CADPS: variants seen among roughly 807,000 people sequenced by gnomAD.
The protein encoded by CADPS is calcium dependent secretion activator.
A neutral mutation model predicts 167.3 loss-of-function variants in CADPS; 57 were observed. The ratio of observed to expected loss-of-function variants is 0.34; its 90% CI spans 0.28 to 0.42. CADPS has a LOEUF of 0.42. Among genes scored for constraint, CADPS ranks in the 20% least tolerant of loss-of-function variants. The pLI is 1.00. For missense variants in CADPS, 1,414 were observed against 1,738.1 expected (o/e 0.81, Z 3.32); for synonymous variants, 676 against 635.3 (o/e 1.06, Z -0.96).
At chr3:62,511,849 A>G (rs1211268247) in intron 17 of CADPS, among the ~76,000 whole-genome samples, 4 of 152,120 alleles carry the variant, frequency 2.6e-5, no homozygotes, top group Non-Finnish European at 5.9e-5. Context: ...GGCTTTTAAC[A>G]CTGTACCTGC....
At chr3:62,737,741 A>G (rs2079300140) in intron 3 of CADPS, among the ~76,000 whole-genome samples, 1 of 152,126 alleles carries the variant, frequency 6.6e-6, no homozygotes, top group Non-Finnish European at 1.5e-5. Flanking sequence ...CCTTTGAACC[A>G]AGCTTATTGC....
intron 3 of CADPS, among the ~76,000 whole-genome samples, chr3:62,702,252 A>G (rs1462663448): frequency 6.6e-6 from 1 of 152,176 alleles, no homozygotes; most frequent in African/African-American, 2.4e-5. Flanking sequence ...CTTTTGCTTT[A>G]CAGATTCATT....
intron 26 of CADPS, among the ~76,000 whole-genome samples, chr3:62,457,360 A>C (rs535084392): frequency 5.3e-5 from 8 of 152,342 alleles, no homozygotes; most frequent in African/African-American, 1.9e-4. Flanking sequence ...GTGCACACTG[A>C]AATAAACCTG....
intron 2 of CADPS, among the ~76,000 whole-genome samples, chr3:62,762,812 C>T (rs531453551): frequency 2.6e-5 from 4 of 152,200 alleles, no homozygotes; most frequent in African/African-American, 9.6e-5. Context: ...TGAATATATG[C>T]ATTAGCAAAA....
intron 4 of CADPS, among the ~76,000 whole-genome samples, chr3:62,656,258 A>G (rs2150336221): frequency 6.6e-6 from 1 of 152,276 alleles, no homozygotes; most frequent in Non-Finnish European, 1.5e-5. Context: ...GATGGTGCCT[A>G]TAGTAAAGAT....
intron 29 of CADPS, among the ~76,000 whole-genome samples, chr3:62,402,303 C>T (rs1467878655): frequency 1.3e-5 from 2 of 149,002 alleles, no homozygotes; most frequent in Admixed American, 6.9e-5. Flanking sequence ...AAGAAATAGA[C>T]ATTCAGCTAC....
chr3:62,491,803 C>T (rs1192470839), intron 20 of CADPS, among the ~76,000 whole-genome samples: 1 of 149,078 alleles, frequency 6.7e-6, no homozygotes, highest in Non-Finnish European at 1.5e-5. Context: ...CACCCACTTC[C>T]CTTCTTCCCA....
At chr3:62,803,971 G>A (rs1244017277) in intron 1 of CADPS, among the ~76,000 whole-genome samples, 1 of 151,940 alleles carries the variant, frequency 6.6e-6, no homozygotes, top group Non-Finnish European at 1.5e-5. Flanking sequence ...TCTTTTGGAA[G>A]GCCTTCTAAT....
intron 1 of CADPS, among the ~76,000 whole-genome samples, chr3:62,803,540 C>T (rs1015454474): frequency 2.0e-5 from 3 of 151,976 alleles, no homozygotes; most frequent in Non-Finnish European, 1.5e-5. Context: ...CCTTGCCCCA[C>T]GTGTCAACAG....
intron 1 of CADPS, among the ~76,000 whole-genome samples, chr3:62,776,054 ATATAATGTCTTGGCAT>A (rs2090205399): frequency 6.6e-6 from 1 of 152,228 alleles, no homozygotes; most frequent in South Asian, 2.1e-4. Flanking sequence ...AGAAAAAAGC[ATATAATGTCTTGGCAT>A]TACTAGGAAA....
At chr3:62,717,060 A>C (rs1017650821) in intron 3 of CADPS, among the ~76,000 whole-genome samples, 30 of 152,308 alleles carry the variant, frequency 2.0e-4, no homozygotes, top group Non-Finnish European at 2.8e-4. Flanking sequence ...CAGAAAATCT[A>C]CATACTGGAA....
chr3:62,495,644 C>G (rs1485598873), intron 18 of CADPS, among the ~76,000 whole-genome samples: 1 of 152,220 alleles, frequency 6.6e-6, no homozygotes, highest in African/African-American at 2.4e-5. Context: ...ATTTTGCACA[C>G]AAACTAACAT....
At chr3:62,804,110 T>C (rs2093943174) in intron 1 of CADPS, among the ~76,000 whole-genome samples, 1 of 152,146 alleles carries the variant, frequency 6.6e-6, no homozygotes, top group Non-Finnish European at 1.5e-5. Context: ...GACGTATTAA[T>C]TTGCTTGCTT....
rs17066674 is a variant in CADPS at position 62,592,766 on chromosome 3, G to A, written c.1326-18C>T. 4.0e-3 allele frequency: 6,292 copies of A among 1,581,854 alleles called. 219 individuals carry two copies. The African/African-American group carries it at 0.07, about 18-fold the overall frequency. On this transcript the variant is annotated intron_variant, in intron 6 of 29. Coordinates refer to ENST00000383710, the MANE Select transcript of CADPS (RefSeq NM_003716.4). ...TGCCCCAGCTGCAGACAGAATCAAA[G>A]AGGTCATTGTAGACATATCTGCCTT...
chr3:62,698,039 G>A (rs1292607209), intron 3 of CADPS, among the ~76,000 whole-genome samples: 11 of 151,878 alleles, frequency 7.2e-5, no homozygotes. Context: ...CTCCCTCTCT[G>A]TGGGCTGTCT....
intron 3 of CADPS, among the ~76,000 whole-genome samples, chr3:62,750,149 T>C (rs2082368556): frequency 1.3e-5 from 2 of 151,748 alleles, no homozygotes; most frequent in African/African-American, 2.4e-5. Flanking sequence ...GTCCAGAGTT[T>C]GAAACCAGCC....
chr3:62,822,823 C>G (rs564308456), intron 1 of CADPS, among the ~76,000 whole-genome samples: 34 of 151,924 alleles, frequency 2.2e-4, no homozygotes, highest in African/African-American at 7.7e-4. Flanking sequence ...GCCTGTGCGA[C>G]AGAGTGAGAC....
intron 8 of CADPS, among the ~76,000 whole-genome samples, chr3:62,576,754 C>T (rs2082337927): frequency 8.5e-6 from 1 of 117,088 alleles, no homozygotes. Context: ...CACACCACTG[C>T]ACTTCAGCCT....
chr3:62,494,440 CAAAGGTACACT>C (rs2064283203), intron 18 of CADPS, among the ~76,000 whole-genome samples: 1 of 152,100 alleles, frequency 6.6e-6, no homozygotes, highest in Non-Finnish European at 1.5e-5. Flanking sequence ...GAAAAATTCA[CAAAGGTACACT>C]AAATGTTGGC....
Sources: allele counts gnomAD v4.1 joint callset (sites outside exome capture counted in the v4.1 genomes callset), GRCh38; gene constraint gnomAD v4.1.1; transcripts MANE v1.5; gene names NCBI Gene and HGNC (gene_info 2026-07-23, HGNC 2026-07-21).